The following PRKCA variants were observed in gnomAD, a reference collection of about 807,000 sequenced individuals.
The protein encoded by PRKCA is protein kinase C alpha.
Under a neutral mutation model 87.0 loss-of-function variants are expected in PRKCA, and 27 were observed. The ratio of observed to expected loss-of-function variants is 0.31; its 90% CI spans 0.23 to 0.43. The LOEUF (loss-of-function observed/expected upper bound fraction) is 0.43. Among genes scored for constraint, PRKCA ranks in the 20% least tolerant of loss-of-function variants. The probability of loss-of-function intolerance (pLI) is 1.00; values close to 1 mark genes in which losing one functional copy is unlikely to be tolerated. For missense variants in PRKCA, 518 were observed against 852.3 expected, an observed-to-expected ratio of 0.61 and a Z score of 4.88; for synonymous variants, 329 against 311.1, an observed-to-expected ratio of 1.06 and a Z score of -0.61.
At chr17:66,447,199 G>A (rs1270134647) in intron 2 of PRKCA, among the ~76,000 whole-genome samples, 1 of 152,190 alleles carries the variant, frequency 6.6e-6, no homozygotes, top group African/African-American at 2.4e-5. Context: ...ACAGGGAAGT[G>A]TCATACCATT....
rs186889479 is a variant in PRKCA at position 66,496,416 on chromosome 17, G to A, written c.288+133G>A. On this transcript the variant is annotated intron_variant, in intron 3 of 16. Transcript: ENST00000413366. The stretch of plus-strand genomic sequence containing the variant: ...CTCAATTCTCATAGAGCGTTGGCTT[G>A]TAGTAATGAGCAGATTTATAGCCCA... 2,304 of 705,866 alleles carry A rather than the reference G, an allele frequency of 3.3e-3. 68 individuals are homozygous for A. The Admixed American group carries it at 0.047, about 14-fold the overall frequency. The allele number at this position is 705,866 out of a possible 1,614,324, so 43.7% of individuals were successfully genotyped here.
At chr17:66,756,584 T>A (rs1974553480) in intron 13 of PRKCA, among the ~76,000 whole-genome samples, 1 of 151,142 alleles carries the variant, frequency 6.6e-6, no homozygotes, top group Non-Finnish European at 1.5e-5. Flanking sequence ...TTTGAAGAGA[T>A]GAAGCAAGCA....
intron 3 of PRKCA, among the ~76,000 whole-genome samples, chr17:66,572,392 G>T (rs139562641): frequency 6.6e-6 from 1 of 152,064 alleles, no homozygotes; most frequent in Non-Finnish European, 1.5e-5. Flanking sequence ...GCTTGAACCC[G>T]GGAGCAAGAG....
chr17:66,797,870 G>A (rs758841932), intron 16 of PRKCA, among the ~76,000 whole-genome samples: 3 of 152,318 alleles, frequency 2.0e-5, no homozygotes, highest in East Asian at 1.9e-4. Context: ...AGCCTCAGTC[G>A]GCAAAAGGCG....
intron 8 of PRKCA, among the ~76,000 whole-genome samples, chr17:66,697,092 T>G (rs1245449588): frequency 1.3e-5 from 2 of 152,226 alleles, no homozygotes; most frequent in Non-Finnish European, 1.5e-5. Flanking sequence ...GAGAAAGCCT[T>G]GGAAATTCTT....
intron 2 of PRKCA, among the ~76,000 whole-genome samples, chr17:66,412,969 A>G (rs759435464): frequency 6.6e-6 from 1 of 152,124 alleles, no homozygotes; most frequent in African/African-American, 2.4e-5. Flanking sequence ...AGATATGTGG[A>G]GATTCTGCAC....
intron 3 of PRKCA, among the ~76,000 whole-genome samples, chr17:66,543,489 A>G (rs1259334071): frequency 6.6e-6 from 1 of 152,192 alleles, no homozygotes; most frequent in Non-Finnish European, 1.5e-5. Flanking sequence ...CAGCTTGTCT[A>G]CTAGTATGTT....
In PRKCA at chr17:66,803,494, C is replaced by T. The variant is rs1490961210; in HGVS notation, c.1855-379C>T. Among the ~76,000 whole-genome samples the T allele has an allele frequency of 6.6e-6, 1 of 152,234 alleles. No homozygotes were observed. The highest frequency in any genetic ancestry group is 2.4e-5 in the African/African-American group (1 of 41,474). ...CAGGGGTAACTGCCTGCAGCCCCAG[C>T]CGACATCCTGGCCTTTCAACACGGA... On this transcript the variant is annotated intron_variant, in intron 16 of 16. Coordinates refer to ENST00000413366, the MANE Select transcript of PRKCA (RefSeq NM_002737.3). The surrounding 1 kb of genome is among the most constrained non-coding windows in gnomAD (Gnocchi z 4.4).
At chr17:66,784,623 G>T (rs1214593275) in intron 14 of PRKCA, among the ~76,000 whole-genome samples, 1 of 152,222 alleles carries the variant, frequency 6.6e-6, no homozygotes, top group Non-Finnish European at 1.5e-5. Flanking sequence ...TAGGGAAAAT[G>T]AGAAATGTTA....
rs544369544 is a variant in PRKCA at position 66,803,758 on chromosome 17, C to T, written c.1855-115C>T. ...TGCAAGTCCTCCGAGATTCCTCCTC[C>T]TAACCAGCCCGGAGTTCCCCAGGGC... On this transcript the variant is annotated intron_variant, in intron 16 of 16. Coordinates refer to ENST00000413366, the MANE Select transcript of PRKCA (RefSeq NM_002737.3). The surrounding 1 kb of genome is among the most constrained non-coding windows in gnomAD (Gnocchi z 4.4). 14 of 1,431,006 alleles carry T rather than the reference C, an allele frequency of 9.8e-6. No individual in the cohort carries two copies. In the South Asian group the frequency reaches 1.8e-4, roughly 18 times the overall value. The allele number at this position is 1,431,006 out of a possible 1,614,324, so 88.6% of individuals were successfully genotyped here.
chr17:66,663,732 G>T (rs1279693848), intron 5 of PRKCA, among the ~76,000 whole-genome samples: 1 of 152,172 alleles, frequency 6.6e-6, no homozygotes, highest in Non-Finnish European at 1.5e-5. Context: ...CAATTTTCTT[G>T]TGCCAGGCAG....
intron 3 of PRKCA, among the ~76,000 whole-genome samples, chr17:66,569,212 G>A (rs1459268933): frequency 6.6e-6 from 1 of 152,104 alleles, no homozygotes; most frequent in Non-Finnish European, 1.5e-5. Context: ...AGAATGAAAG[G>A]TAGACTGGTA....
At chr17:66,588,827 G>T (rs151263465) in intron 3 of PRKCA, among the ~76,000 whole-genome samples, 1 of 151,604 alleles carries the variant, frequency 6.6e-6, no homozygotes, top group Admixed American at 6.6e-5. Context: ...TTTTTGTAGA[G>T]ACAGGGTATC....
At chr17:66,588,474 G>A (rs1437144343) in intron 3 of PRKCA, among the ~76,000 whole-genome samples, 1 of 152,030 alleles carries the variant, frequency 6.6e-6, no homozygotes, top group Non-Finnish European at 1.5e-5. Context: ...ATAGGGAAGA[G>A]CATTCAACCT....
intron 3 of PRKCA, among the ~76,000 whole-genome samples, chr17:66,581,371 A>G (rs1404522240): frequency 6.6e-6 from 1 of 152,260 alleles, no homozygotes; most frequent in African/African-American, 2.4e-5. Flanking sequence ...ACATTCAAAT[A>G]GGAAGTTCAC....
chr17:66,505,083 A>G (rs926651484), intron 3 of PRKCA, among the ~76,000 whole-genome samples: 2 of 152,200 alleles, frequency 1.3e-5, no homozygotes, highest in Admixed American at 6.5e-5. Flanking sequence ...AACACACCCA[A>G]CAAAAAAACT....
Position 66,586,838 on chromosome 17 carries a change from T to C in PRKCA, c.289-54517T>C, listed in dbSNP as rs187293674. 6.7e-3 allele frequency among the ~76,000 whole-genome samples: 1,020 copies of C among 152,238 alleles called. 39 individuals carry two copies. The highest frequency in any genetic ancestry group is 0.059 in the Admixed American group (896 of 15,292). On this transcript the variant is annotated intron_variant, in intron 3 of 16. Coordinates refer to ENST00000413366, the MANE Select transcript of PRKCA (RefSeq NM_002737.3). ...CATAACATGTCAGACTCAGTCGGGA[T>C]ACATAAAGAAGACCCTGTACCTGCA...
intron 3 of PRKCA, among the ~76,000 whole-genome samples, chr17:66,538,822 A>C (rs750189956): frequency 1.3e-5 from 2 of 152,224 alleles, no homozygotes; most frequent in African/African-American, 4.8e-5. Flanking sequence ...AAAGCATTCC[A>C]GTTAGCAAAC....
chr17:66,320,729 G>C lies in PRKCA; in HGVS notation c.205+14602G>C, dbSNP rs915724974. 3.9e-5 allele frequency among the ~76,000 whole-genome samples: 6 copies of C among 152,278 alleles called. No homozygotes were observed. In the South Asian group the frequency reaches 8.3e-4, roughly 21 times the overall value. The stretch of plus-strand genomic sequence containing the variant: ...TCTGGCAACAGGCTATACAGTTCTG[G>C]TGTTACTTAGTCTGCAAAAATCTTA... On this transcript the variant is annotated intron_variant, in intron 2 of 16. Coordinates refer to ENST00000413366, the MANE Select transcript of PRKCA (RefSeq NM_002737.3).
Sources: allele counts gnomAD v4.1 joint callset (sites outside exome capture counted in the v4.1 genomes callset), GRCh38; gene constraint gnomAD v4.1.1; non-coding constraint Gnocchi (gnomAD v3.1); transcripts MANE v1.5; gene names NCBI Gene and HGNC (gene_info 2026-07-23, HGNC 2026-07-21).